KHDRBS3: variants seen among roughly 807,000 people sequenced by gnomAD.
KHDRBS3 encodes the protein KH domain-containing, RNA-binding, signal transduction-associated protein 3.
A neutral mutation model predicts 45.6 loss-of-function variants in KHDRBS3; 23 were observed. That is an observed-to-expected ratio of 0.50 (90% CI 0.36 to 0.72). KHDRBS3 has a LOEUF of 0.72. Ranked by LOEUF, KHDRBS3 falls within the 30% of genes least tolerant of loss-of-function variation. The pLI, the probability that KHDRBS3 is intolerant of heterozygous loss-of-function variation, is 0.00. For synonymous variants in KHDRBS3, 162 were observed against 156.5 expected, an observed-to-expected ratio of 1.04 and a Z score of -0.26; for missense variants, 352 against 424.8, an observed-to-expected ratio of 0.83 and a Z score of 1.51.
intron 1 of KHDRBS3, among the ~76,000 whole-genome samples, chr8:135,512,409 G>A (rs180969111): frequency 4.4e-4 from 49 of 111,506 alleles, no homozygotes; most frequent in African/African-American, 1.8e-3. Context: ...TTACACAAGA[G>A]TTAAGGTGTT....
intron 7 of KHDRBS3, among the ~76,000 whole-genome samples, chr8:135,616,166 C>G (rs1256659021): frequency 6.6e-6 from 1 of 152,310 alleles, no homozygotes; most frequent in East Asian, 1.9e-4. Context: ...CTAAGAACTT[C>G]TGTAGGATTG....
intron 7 of KHDRBS3, among the ~76,000 whole-genome samples, chr8:135,638,982 A>AG (rs1355719646): frequency 1.3e-5 from 2 of 151,966 alleles, no homozygotes; most frequent in Admixed American, 6.6e-5. Context: ...AAAAAAAAAA[A>AG]AAGAAGTAGC....
At chr8:135,476,684 C>T (rs555288682) in intron 1 of KHDRBS3, among the ~76,000 whole-genome samples, 14 of 152,298 alleles carry the variant, frequency 9.2e-5, no homozygotes, top group African/African-American at 3.1e-4. Context: ...GGCTAACTAA[C>T]TCTCAAGGTT....
chr8:135,617,316 G>A (rs1829961047), intron 7 of KHDRBS3, among the ~76,000 whole-genome samples: 1 of 149,822 alleles, frequency 6.7e-6, no homozygotes, highest in African/African-American at 2.5e-5. Flanking sequence ...GTCTTACTCT[G>A]TCTCACGCTG....
chr8:135,567,737 A>G (rs909914942), intron 5 of KHDRBS3, among the ~76,000 whole-genome samples: 1 of 152,212 alleles, frequency 6.6e-6, no homozygotes, highest in East Asian at 1.9e-4. Context: ...CACCACCCCA[A>G]CACCACAGAT....
At chr8:135,489,147 T>C (rs1484188875) in intron 1 of KHDRBS3, among the ~76,000 whole-genome samples, 3 of 152,208 alleles carry the variant, frequency 2.0e-5, no homozygotes, top group Non-Finnish European at 2.9e-5. Context: ...GAATTTCTTT[T>C]TTCTTTTTTG....
At chr8:135,588,314 A>C (rs2130950879) in intron 6 of KHDRBS3, among the ~76,000 whole-genome samples, 1 of 152,320 alleles carries the variant, frequency 6.6e-6, no homozygotes, top group South Asian at 2.1e-4. Flanking sequence ...AGAGACACAT[A>C]GGGCAAGGTG....
intron 1 of KHDRBS3, among the ~76,000 whole-genome samples, chr8:135,492,098 T>C (rs1347055666): frequency 6.6e-6 from 1 of 152,198 alleles, no homozygotes. Flanking sequence ...GATACCATAG[T>C]ACTAGATAGT....
chr8:135,585,367 G>A (rs1349427225), intron 6 of KHDRBS3, among the ~76,000 whole-genome samples: 5 of 152,152 alleles, frequency 3.3e-5, no homozygotes, highest in African/African-American at 9.6e-5. Context: ...TGCATCAAAT[G>A]GGAAAGTTGG....
intron 4 of KHDRBS3, among the ~76,000 whole-genome samples, chr8:135,653,533 A>G (rs2131222416): frequency 6.6e-6 from 1 of 152,342 alleles, no homozygotes; most frequent in East Asian, 1.9e-4. Context: ...AGCTAGCCAT[A>G]GTGGTATGAT....
At chr8:135,506,971 GC>G (rs1006983043) in intron 1 of KHDRBS3, among the ~76,000 whole-genome samples, 58 of 152,166 alleles carry the variant, frequency 3.8e-4, no homozygotes, top group Admixed American at 1.8e-3. Context: ...CCTAGGCAGT[GC>G]TCTTCAACTT....
chr8:135,598,300 A>G (rs1431058514), intron 6 of KHDRBS3, among the ~76,000 whole-genome samples: 1 of 152,236 alleles, frequency 6.6e-6, no homozygotes, highest in Non-Finnish European at 1.5e-5. Flanking sequence ...GGTATGAACT[A>G]TGCCAAACAA....
chr8:135,614,992 G>T (rs1829859274), intron 7 of KHDRBS3, among the ~76,000 whole-genome samples: 1 of 151,718 alleles, frequency 6.6e-6, no homozygotes, highest in Non-Finnish European at 1.5e-5. Context: ...AGTGGTAGGG[G>T]GGATTTTGGC....
chr8:135,582,152 T>G, intron 6 of KHDRBS3, 79 bp downstream of exon 6: 5 of 1,326,066 alleles, frequency 3.8e-6, no homozygotes, highest in Non-Finnish European at 5.0e-6. Context: ...TGTACCCGCG[T>G]ACGCTTCCTC....
At chr8:135,579,180 GT>G in intron 5 of KHDRBS3, among the ~76,000 whole-genome samples, 1 of 152,208 alleles carries the variant, frequency 6.6e-6, no homozygotes, top group East Asian at 1.9e-4. Flanking sequence ...ATCTGTATGA[GT>G]TTTATTTACT....
chr8:135,650,062 TC>T (rs760391952), downstream of KHDRBS3, among the ~76,000 whole-genome samples: 8 of 152,068 alleles, frequency 5.3e-5, no homozygotes, highest in African/African-American at 1.9e-4. Flanking sequence ...CCAAATCGCT[TC>T]CCCCTAACCT....
At chr8:135,609,049 G>A (rs539161435) in intron 7 of KHDRBS3, among the ~76,000 whole-genome samples, 18 of 152,200 alleles carry the variant, frequency 1.2e-4, no homozygotes, top group African/African-American at 3.6e-4. Flanking sequence ...ACATTACCGC[G>A]CACCACTGCA....
chr8:135,585,971 C>G (rs1828452356), intron 6 of KHDRBS3, among the ~76,000 whole-genome samples: 1 of 152,192 alleles, frequency 6.6e-6, no homozygotes, highest in Non-Finnish European at 1.5e-5. Context: ...TCCTAAGTTA[C>G]TGTTGTCTTC....
intron 3 of KHDRBS3, 82 bp downstream of exon 3, chr8:135,542,852 A>G (rs1826111047): frequency 2.2e-6 from 2 of 915,228 alleles, no homozygotes; most frequent in Admixed American, 4.3e-5. Context: ...ATTCATACAT[A>G]GTTACATAAG....
Sources: allele counts gnomAD v4.1 joint callset (sites outside exome capture counted in the v4.1 genomes callset), GRCh38; gene constraint gnomAD v4.1.1; transcripts MANE v1.5; gene names NCBI Gene and HGNC (gene_info 2026-07-23, HGNC 2026-07-21).